UBE2W: variants seen among roughly 807,000 people sequenced by gnomAD.
UBE2W encodes ubiquitin-conjugating enzyme E2 W.
Under a neutral mutation model 27.2 loss-of-function variants are expected in UBE2W, and 18 were observed. That is an observed-to-expected ratio of 0.66 (90% confidence interval 0.46 to 0.98). The LOEUF (loss-of-function observed/expected upper bound fraction) is 0.98, where lower values mean the gene tolerates loss of function less well. UBE2W is among the 50% of genes least tolerant of loss of function. The probability of loss-of-function intolerance (pLI) is 0.00; values close to 1 mark genes in which losing one functional copy is unlikely to be tolerated. For missense variants in UBE2W, 90 were observed against 180.2 expected (o/e 0.50, Z 2.87); for synonymous variants, 53 against 57.2 (o/e 0.93, Z 0.33).
rs563503437 is a variant in UBE2W at position 73,811,462 on chromosome 8, G to T, written c.211-833C>A. ...ATATCCTGAGGAATCTGTAAGCATA[G>T]TCCAAAGTTGCTCGAAGAAAGCAGA... is the stretch of plus-strand genomic sequence containing the variant. On this transcript the variant is annotated intron_variant, in intron 3 of 5. Transcript: ENST00000602593. Among the ~76,000 whole-genome samples, 8 of 152,244 alleles carry T rather than the reference G, an allele frequency of 5.3e-5. No homozygotes were observed. In the East Asian group the frequency reaches 1.3e-3, roughly 26 times the overall value.
chr8:73,852,920 T>C (rs1241224968), intron 1 of UBE2W, among the ~76,000 whole-genome samples: 1 of 152,230 alleles, frequency 6.6e-6, no homozygotes, highest in African/African-American at 2.4e-5. Context: ...ATGCAAACTT[T>C]AAGACTGTAA....
At chr8:73,870,256 A>C in intron 1 of UBE2W, 1 of 1,584,924 alleles carries the variant, frequency 6.3e-7, no homozygotes. Flanking sequence ...TTGGCAAAAA[A>C]ACACACACTT....
intron 2 of UBE2W, among the ~76,000 whole-genome samples, chr8:73,827,703 AT>A (rs1207667033): frequency 2.6e-5 from 4 of 151,196 alleles, no homozygotes; most frequent in Admixed American, 6.6e-5. Flanking sequence ...CCAACTTTTA[AT>A]TTTTTTCTTT....
Position 73,789,849 on chromosome 8 carries a change from A to G in UBE2W, c.*4253T>C. The stretch of plus-strand genomic sequence containing the variant: ...AAGACTCCGTCTCAAAAATAAATAA[A>G]TAAATAAATAATAAAAATAATCATT... On this transcript the variant is annotated 3_prime_UTR_variant, in exon 6 of 6. Coordinates refer to ENST00000602593, the MANE Select transcript of UBE2W (RefSeq NM_018299.6). 1.1e-6 allele frequency: 1 copy of G among 879,314 alleles called. No individual in the cohort carries two copies. Among genetic ancestry groups the G allele is most frequent in the Non-Finnish European group, 1.4e-6 (1 of 733,296 alleles). The allele number at this position is 879,314 out of a possible 1,614,324, so 54.5% of individuals were successfully genotyped here.
intron 4 of UBE2W, among the ~76,000 whole-genome samples, chr8:73,806,525 C>CCG (rs1328612286): frequency 2.0e-5 from 3 of 148,094 alleles, no homozygotes; most frequent in Admixed American, 1.4e-4. Flanking sequence ...CGGTGAAACC[C>CCG]TGTCTGCTAA....
chr8:73,866,281 AAAAAAAAAAATAT>A (rs1283766215), intron 1 of UBE2W, among the ~76,000 whole-genome samples: 2 of 112,242 alleles, frequency 1.8e-5, no homozygotes, highest in African/African-American at 7.2e-5. Context: ...AAAAAAAAAA[AAAAAAAAAAATAT>A]ATATATATAT....
At chr8:73,829,754 A>C (rs972219914) in intron 2 of UBE2W, among the ~76,000 whole-genome samples, 1 of 152,172 alleles carries the variant, frequency 6.6e-6, no homozygotes, top group Admixed American at 6.5e-5. Flanking sequence ...CCTAGACTAC[A>C]CTAAATATTT....
At chr8:73,803,895 T>C (rs938296023) in intron 5 of UBE2W, among the ~76,000 whole-genome samples, 1 of 151,686 alleles carries the variant, frequency 6.6e-6, no homozygotes, top group Non-Finnish European at 1.5e-5. Context: ...GCCTCCCGAG[T>C]AACTGGGACT....
chr8:73,852,077 G>A (rs1811107857), intron 1 of UBE2W, among the ~76,000 whole-genome samples: 1 of 151,484 alleles, frequency 6.6e-6, no homozygotes, highest in Non-Finnish European at 1.5e-5. Flanking sequence ...AGAGGAAAGA[G>A]GAGCAATACA....
chr8:73,842,453 C>T lies in UBE2W; in HGVS notation c.16-11981G>A, dbSNP rs568215780. Among the ~76,000 whole-genome samples, 26 of 131,768 alleles carry T rather than the reference C, an allele frequency of 2.0e-4. No individual in the cohort carries two copies. The East Asian group carries it at 5.1e-3, about 26-fold the overall frequency. The allele number at this position is 131,768 out of a possible 152,430, so 86.4% of individuals were successfully genotyped here. A position where few individuals can be genotyped will look rare whatever the true frequency, so the allele number is the denominator to read the frequency against. On this transcript the variant is annotated intron_variant, in intron 1 of 5. Coordinates refer to ENST00000602593, the MANE Select transcript of UBE2W (RefSeq NM_018299.6). The stretch of plus-strand genomic sequence containing the variant: ...CTGAGGCAGGAGAATGGTGTGAACC[C>T]GGGAGGTGGAGCTTGCAGTGAGCCG...
At chr8:73,869,716 T>C (rs187696684) in intron 1 of UBE2W, among the ~76,000 whole-genome samples, 328 of 151,456 alleles carry the variant, frequency 2.2e-3, no homozygotes, top group Non-Finnish European at 3.6e-3. Context: ...CTACAAAAAT[T>C]AGCTGGGTAT....
At chr8:73,827,279 T>C (rs1809882299) in intron 2 of UBE2W, among the ~76,000 whole-genome samples, 1 of 152,148 alleles carries the variant, frequency 6.6e-6, no homozygotes, top group Admixed American at 6.5e-5. Context: ...AATGGCGTGA[T>C]CTCGGCTCAC....
intron 1 of UBE2W, among the ~76,000 whole-genome samples, chr8:73,835,543 G>A (rs1182498856): frequency 2.0e-5 from 3 of 152,158 alleles, no homozygotes; most frequent in Non-Finnish European, 4.4e-5. Context: ...AGGAATTCGG[G>A]ACCAGCCTGA....
Position 73,789,914 on chromosome 8 carries a change from TA to T in UBE2W, c.*4187del. 1.0e-6 allele frequency: 1 copy of T among 980,730 alleles called. No homozygotes were observed. The highest frequency in any genetic ancestry group is 1.2e-6 in the Non-Finnish European group (1 of 825,792). 60.8% of individuals were successfully genotyped at this position (980,730 alleles called of 1,614,324 possible). A position where few individuals can be genotyped will look rare whatever the true frequency, so the allele number is the denominator to read the frequency against. ...GACTTAGAAATTTAAATGGAAAAAATAAATAATTTGCTTGGACAATAATTTG... is the reference window on the plus strand; with the variant it reads ...GACTTAGAAATTTAAATGGAAAAAATAATAATTTGCTTGGACAATAATTTG... On this transcript the variant is annotated 3_prime_UTR_variant, in exon 6 of 6. Coordinates refer to ENST00000602593, the MANE Select transcript of UBE2W (RefSeq NM_018299.6).
At chr8:73,826,210 T>G (rs1290544822) in intron 2 of UBE2W, among the ~76,000 whole-genome samples, 1 of 152,230 alleles carries the variant, frequency 6.6e-6, no homozygotes, top group East Asian at 1.9e-4. Flanking sequence ...TTTTCATATA[T>G]AACAATCATA....
chr8:73,802,764 C>G (rs1279003844), intron 5 of UBE2W, among the ~76,000 whole-genome samples: 1 of 152,208 alleles, frequency 6.6e-6, no homozygotes, highest in Non-Finnish European at 1.5e-5. Context: ...AGGCTCATGC[C>G]TGTAATCCCA....
intron 1 of UBE2W, among the ~76,000 whole-genome samples, chr8:73,861,988 T>C (rs1470571053): frequency 1.3e-5 from 2 of 152,254 alleles, no homozygotes; most frequent in African/African-American, 4.8e-5. Flanking sequence ...GATTCTTAAA[T>C]CTTTCAAGAG....
chr8:73,812,425 T>G (rs1413079724), intron 3 of UBE2W, among the ~76,000 whole-genome samples: 2 of 152,200 alleles, frequency 1.3e-5, no homozygotes, highest in Non-Finnish European at 2.9e-5. Flanking sequence ...AGTATTGCTC[T>G]GTAAAAGAAA....
At chr8:73,794,230 T>C in intron 5 of UBE2W, 115 bp from the exon 6 acceptor site, 1 of 1,294,294 alleles carries the variant, frequency 7.7e-7, no homozygotes, top group Non-Finnish European at 1.1e-6. Flanking sequence ...AGTTTACATG[T>C]CTGATCTGCC....
Sources: allele counts gnomAD v4.1 joint callset (sites outside exome capture counted in the v4.1 genomes callset), GRCh38; gene constraint gnomAD v4.1.1; transcripts MANE v1.5; gene names NCBI Gene and HGNC (gene_info 2026-07-23, HGNC 2026-07-21).